The following MVB12B variants were observed in gnomAD, a reference collection of about 807,000 sequenced individuals.
MVB12B encodes multivesicular body subunit 12B, also known as ESCRT-I complex subunit MVB12B.
A neutral mutation model predicts 41.6 loss-of-function variants in MVB12B; 16 were observed. The observed-to-expected ratio is 0.38, with a 90% CI of 0.26 to 0.58. The LOEUF is 0.58. Ranked by LOEUF, MVB12B falls within the 20% of genes least tolerant of loss-of-function variation. The pLI, the probability that MVB12B is intolerant of heterozygous loss-of-function variation, is 0.62. For missense variants in MVB12B, 274 were observed against 380.2 expected, an observed-to-expected ratio of 0.72 and a Z score of 2.32; for synonymous variants, 133 against 139.7, an observed-to-expected ratio of 0.95 and a Z score of 0.34.
chr9:126,329,671 CT>C (rs1463620039), intron 1 of MVB12B, among the ~76,000 whole-genome samples: 2 of 152,186 alleles, frequency 1.3e-5, no homozygotes, highest in Non-Finnish European at 2.9e-5. Flanking sequence ...GGGAGACATC[CT>C]TGCCACACTG....
intron 7 of MVB12B, among the ~76,000 whole-genome samples, chr9:126,438,550 G>A (rs1197066989): frequency 4.6e-5 from 7 of 152,160 alleles, no homozygotes; most frequent in South Asian, 2.1e-4. Context: ...GCTGATCCTC[G>A]TCCAGGTTCT....
chr9:126,382,188 G>A (rs908975336), intron 3 of MVB12B, among the ~76,000 whole-genome samples: 1 of 151,424 alleles, frequency 6.6e-6, no homozygotes, highest in African/African-American at 2.4e-5. Flanking sequence ...TCTGCCACCT[G>A]GCCCCGCAGG....
At position 126,503,191 on chromosome 9, in the gene MVB12B, C is replaced by T; in HGVS notation, c.888C>T (p.Phe296=). The change falls in exon 10 of 10, where the codon TTC becomes TTT. Residue 296 remains phenylalanine, a synonymous_variant. Transcript: ENST00000361171. ...CGCCCCTGCAGTACGAGTACAGCTT[C>T]CGCACAGAGCAGAGCGCAGCCGCCA... ...AEIEKEYEYS[F]RTEQSAAARL... is the part of the protein sequence containing the mutation. The T allele has an allele frequency of 6.4e-7, 1 of 1,550,872 alleles. No individual in the cohort carries two copies. The highest frequency in any genetic ancestry group is 1.4e-5 in the African/African-American group (1 of 73,186).
chr9:126,462,688 A>C lies in MVB12B; in HGVS notation c.758-18681A>C, dbSNP rs188739682. Among the ~76,000 whole-genome samples, 252 of 152,266 alleles carry C rather than the reference A, an allele frequency of 1.7e-3. 1 individual carries two copies. The highest frequency in any genetic ancestry group is 3.4e-3 in the Middle Eastern group (1 of 294). ...AGAATACCAGCAGGCCCTGTTATTAAATCTTAAGGTTGAGCTGAGACCATG... is the reference window on the plus strand; with the variant it reads ...AGAATACCAGCAGGCCCTGTTATTACATCTTAAGGTTGAGCTGAGACCATG... On this transcript the variant is annotated intron_variant, in intron 7 of 9. Transcript: ENST00000361171.
intron 2 of MVB12B, among the ~76,000 whole-genome samples, chr9:126,380,819 A>G (rs988024284): frequency 3.3e-5 from 5 of 152,230 alleles, no homozygotes; most frequent in Admixed American, 3.3e-4. Context: ...TTTTCTCATT[A>G]GAATCATTTT....
chr9:126,334,945 C>T (rs946493565), intron 1 of MVB12B, among the ~76,000 whole-genome samples: 4 of 152,158 alleles, frequency 2.6e-5, no homozygotes. Context: ...GAACCCTAGT[C>T]CTGCCTCATG....
chr9:126,386,079 T>A lies in MVB12B; in HGVS notation c.313-483T>A, dbSNP rs1018397970. Among the ~76,000 whole-genome samples, 1 of 152,222 alleles carries A rather than the reference T, an allele frequency of 6.6e-6. No homozygotes were observed. On this transcript the variant is annotated intron_variant, in intron 3 of 9. Coordinates refer to ENST00000361171, the MANE Select transcript of MVB12B (RefSeq NM_033446.3). The surrounding 1 kb of genome is among the most constrained non-coding windows in gnomAD (Gnocchi z 4.3). ...GTATGATTCTTGGGATTTTGCAGAA[T>A]GTATCTAGCAACTGAAATGTGTGTC...
At chr9:126,368,860 C>T (rs923354674) in intron 2 of MVB12B, among the ~76,000 whole-genome samples, 7 of 152,196 alleles carry the variant, frequency 4.6e-5, no homozygotes, top group Non-Finnish European at 8.8e-5. Flanking sequence ...ATGTAAATGA[C>T]TTACAGAAAT....
In MVB12B at chr9:126,392,210, C is replaced by A; in HGVS notation, c.539+15C>A. The A allele has an allele frequency of 6.2e-7, 1 of 1,613,304 alleles. No individual in the cohort carries two copies. Among genetic ancestry groups the A allele is most frequent in the Non-Finnish European group, 8.5e-7 (1 of 1,179,342 alleles). On this transcript the variant is annotated intron_variant, in intron 5 of 9. Coordinates refer to ENST00000361171, the MANE Select transcript of MVB12B (RefSeq NM_033446.3). The surrounding 1 kb of genome is among the most constrained non-coding windows in gnomAD (Gnocchi z 4.8). ...ACGTTTATTGGGTGAGTCTTAATAA[C>A]AGGACTGTCAGCTGCTTCTCTTCCC... is the stretch of plus-strand genomic sequence containing the variant.
intron 2 of MVB12B, among the ~76,000 whole-genome samples, chr9:126,357,692 T>C (rs1829919987): frequency 6.6e-6 from 1 of 152,180 alleles, no homozygotes; most frequent in Non-Finnish European, 1.5e-5. Flanking sequence ...ATTTGTCTTA[T>C]TCAGTTGAAA....
At chr9:126,358,618 A>G (rs972957969) in intron 2 of MVB12B, among the ~76,000 whole-genome samples, 3 of 152,236 alleles carry the variant, frequency 2.0e-5, no homozygotes, top group Admixed American at 6.5e-5. Flanking sequence ...TAGAAATACA[A>G]TTGATTTTTG....
intron 7 of MVB12B, among the ~76,000 whole-genome samples, chr9:126,423,031 G>A (rs1347047868): frequency 6.6e-6 from 1 of 152,174 alleles, no homozygotes; most frequent in Admixed American, 6.5e-5. Flanking sequence ...TCTCCAGGGA[G>A]AATTTCTTTT....
intron 6 of MVB12B, among the ~76,000 whole-genome samples, chr9:126,399,883 A>G (rs938339382): frequency 6.6e-6 from 1 of 152,216 alleles, no homozygotes; most frequent in African/African-American, 2.4e-5. Context: ...CATCTCCTCT[A>G]CAGCCAGAAC....
At chr9:126,378,425 G>A (rs945467422) in intron 2 of MVB12B, among the ~76,000 whole-genome samples, 7 of 152,076 alleles carry the variant, frequency 4.6e-5, no homozygotes, top group Admixed American at 3.3e-4. Flanking sequence ...GGCCAGAAAT[G>A]CCCCCCTTGT....
chr9:126,431,927 G>T (rs892779557), intron 7 of MVB12B, among the ~76,000 whole-genome samples: 20 of 152,300 alleles, frequency 1.3e-4, no homozygotes, highest in Admixed American at 3.9e-4. Context: ...TGTGCACCAG[G>T]CATTGTCTGG....
rs187154589 is a variant in MVB12B at position 126,397,654 on chromosome 9, A to G, written c.662+1957A>G. 94 of 985,174 alleles carry G rather than the reference A, an allele frequency of 9.5e-5. No homozygotes were observed. The African/African-American group carries it at 1.6e-3, about 16-fold the overall frequency. The allele number at this position is 985,174 out of a possible 1,614,324, so 61.0% of individuals were successfully genotyped here. The stretch of plus-strand genomic sequence containing the variant: ...CTGTCCCAAGTTCTCCTGTGCGGTA[A>G]TTTACAGGTAGGATGCACACCTATG... On this transcript the variant is annotated intron_variant, in intron 6 of 9. Transcript: ENST00000361171.
intron 6 of MVB12B, among the ~76,000 whole-genome samples, chr9:126,410,141 T>TTGTG (rs3222493): frequency 0.11 from 15,779 of 148,464 alleles, 931 homozygotes; most frequent in East Asian, 0.29. Context: ...TGATTTGGTT[T>TTGTG]TGTGTGTGTG....
chr9:126,503,442 C>CA lies in MVB12B; in HGVS notation c.*180dup. The stretch of plus-strand genomic sequence containing the variant: ...TCCTGTCTTCAGCTGGCCTCACTGA[C>CA]ACCCCGGCCTCCCTGGGGACATTGT... On this transcript the variant is annotated 3_prime_UTR_variant, in exon 10 of 10. Transcript: ENST00000361171. The CA allele has an allele frequency of 1.7e-6, 1 of 602,152 alleles. No homozygotes were observed. Among genetic ancestry groups the CA allele is most frequent in the Non-Finnish European group, 3.0e-6 (1 of 338,782 alleles). 37.3% of individuals were successfully genotyped at this position (602,152 alleles called of 1,614,324 possible). A position where few individuals can be genotyped will look rare whatever the true frequency, so the allele number is the denominator to read the frequency against.
intron 2 of MVB12B, among the ~76,000 whole-genome samples, chr9:126,379,195 T>C (rs566131016): frequency 6.6e-6 from 1 of 152,350 alleles, no homozygotes; most frequent in South Asian, 2.1e-4. Context: ...AGAGCATCTT[T>C]TATTTTTACA....
Sources: gnomAD v4.1 joint callset for allele counts (sites outside exome capture counted in the v4.1 genomes callset) on GRCh38, gnomAD v4.1.1 for gene constraint, Gnocchi (gnomAD v3.1) non-coding constraint, MANE v1.5 for transcripts, NCBI Gene and HGNC (gene_info 2026-07-23, HGNC 2026-07-21) for gene names.